ZNF638: variants seen among roughly 807,000 people sequenced by gnomAD.
ZNF638 encodes the protein zinc finger protein 638.
Under a neutral mutation model 195.6 loss-of-function variants are expected in ZNF638, and 46 were observed. That is an observed-to-expected ratio of 0.24 (90% confidence interval 0.19 to 0.30). The LOEUF (loss-of-function observed/expected upper bound fraction) is 0.30. Ranked by LOEUF, ZNF638 falls within the 10% of genes least tolerant of loss-of-function variation. The pLI is 1.00. For synonymous variants in ZNF638, 845 were observed against 772.0 expected (o/e 1.09, Z -1.57); for missense variants, 2,440 against 2,325.3 (o/e 1.05, Z -1.01).
At chr2:71,431,495 C>T in intron 26 of ZNF638, 67 bp downstream of exon 26, 2 of 1,417,310 alleles carry the variant, frequency 1.4e-6, no homozygotes, top group Non-Finnish European at 2.0e-6. Flanking sequence ...CGCGGTGGCT[C>T]AAGCCTGTAA....
chr2:71,365,409 T>C lies in ZNF638; in HGVS notation c.1718-20T>C. ...CTTAATTTTTTTCCAATTGAAATTA[T>C]ATTTATATCTTTTTACTAGATAGAA... is the stretch of plus-strand genomic sequence containing the variant. On this transcript the variant is annotated intron_variant, in intron 5 of 27. Coordinates refer to ENST00000264447, the MANE Select transcript of ZNF638 (RefSeq NM_014497.5). 6.5e-7 allele frequency: 1 copy of C among 1,535,848 alleles called. No homozygotes were observed.
chr2:71,393,390 T>C (rs1262393706), intron 10 of ZNF638: 3 of 718,336 alleles, frequency 4.2e-6, no homozygotes, highest in East Asian at 2.7e-5. Context: ...CACACCCCCC[T>C]CAGGCCCTCT....
chr2:71,354,146 A>G (rs1309628619), intron 2 of ZNF638, among the ~76,000 whole-genome samples: 3 of 152,248 alleles, frequency 2.0e-5, no homozygotes, highest in Non-Finnish European at 4.4e-5. Context: ...GAAACTTCTA[A>G]TGACCTAAAC....
At chr2:71,359,680 C>T (rs927064903) in intron 3 of ZNF638, among the ~76,000 whole-genome samples, 3 of 152,230 alleles carry the variant, frequency 2.0e-5, no homozygotes, top group Admixed American at 6.5e-5. Flanking sequence ...TGCTTCATAA[C>T]TTTCTCTCCA....
chr2:71,345,276 G>A (rs1286814647), intron 1 of ZNF638, among the ~76,000 whole-genome samples: 4 of 152,212 alleles, frequency 2.6e-5, no homozygotes, highest in Non-Finnish European at 5.9e-5. Flanking sequence ...ATCCACCTCA[G>A]AGAAGGGGTG....
At chr2:71,384,005 A>AT (rs2079587721) in intron 10 of ZNF638, among the ~76,000 whole-genome samples, 1 of 151,792 alleles carries the variant, frequency 6.6e-6, no homozygotes. Context: ...TTCTTATATT[A>AT]TTTAACAGTT....
intron 1 of ZNF638, among the ~76,000 whole-genome samples, chr2:71,338,110 C>G (rs546483848): frequency 6.6e-6 from 1 of 152,248 alleles, no homozygotes; most frequent in East Asian, 1.9e-4. Flanking sequence ...TGAGCATATG[C>G]TATGGTTAAA....
intron 11 of ZNF638, among the ~76,000 whole-genome samples, chr2:71,396,408 TATG>T (rs1229084132): frequency 4.6e-5 from 7 of 152,214 alleles, no homozygotes; most frequent in African/African-American, 1.2e-4. Context: ...AGAAATTTCT[TATG>T]ATGAGTATCA....
At position 71,406,143 on chromosome 2, in the gene ZNF638, A is replaced by C; in HGVS notation, c.3016A>C (p.Ile1006Leu). The change falls in exon 19 of 28, where the codon ATT becomes CTT. Residue 1006 changes from isoleucine (I) to leucine (L), a missense_variant. Coordinates refer to ENST00000264447, the MANE Select transcript of ZNF638 (RefSeq NM_014497.5). ...AAAACTACAGGCAAACATAGATACA[A>C]TTTATGATCGATTTGTACATCTTGA... ...ENDPEANIDT[I>L]YDRFVHLDNL... 1.2e-6 allele frequency: 2 copies of C among 1,613,694 alleles called. No individual in the cohort carries two copies. Among genetic ancestry groups the C allele is most frequent in the Non-Finnish European group, 1.7e-6 (2 of 1,179,734 alleles).
At chr2:71,410,968 T>TCCCCC (rs71402978) in intron 20 of ZNF638, among the ~76,000 whole-genome samples, 9 of 62,984 alleles carry the variant, frequency 1.4e-4, no homozygotes, top group African/African-American at 4.3e-4. Context: ...GAAGTTTTTC[T>TCCCCC]CCCCACCCAC....
chr2:71,362,686 A>G lies in ZNF638; in HGVS notation c.1380-467A>G, dbSNP rs549188914. ...CTATTAATAGATCTTTGTAAGGGCT[A>G]CTTGAAAAGCAACCCTTTCTATGAG... is the stretch of plus-strand genomic sequence containing the variant. On this transcript the variant is annotated intron_variant, in intron 3 of 27. Coordinates refer to ENST00000264447, the MANE Select transcript of ZNF638 (RefSeq NM_014497.5). Among the ~76,000 whole-genome samples the G allele has an allele frequency of 1.4e-4, 21 of 152,314 alleles. No individual in the cohort carries two copies. In the East Asian group the frequency reaches 4.1e-3, roughly 29 times the overall value.
chr2:71,424,575 T>C, intron 22 of ZNF638, 75 bp from the exon 23 acceptor site: 1 of 1,301,336 alleles, frequency 7.7e-7, no homozygotes, highest in Non-Finnish European at 1.1e-6. Flanking sequence ...TTTTTTGTTT[T>C]TTGTTTTTTT....
At chr2:71,430,330 C>T (rs2080631766) in intron 25 of ZNF638, among the ~76,000 whole-genome samples, 1 of 151,974 alleles carries the variant, frequency 6.6e-6, no homozygotes, top group South Asian at 2.1e-4. Flanking sequence ...AGATTGGAGG[C>T]AAGGAAACCA....
intron 8 of ZNF638, among the ~76,000 whole-genome samples, chr2:71,373,660 C>A (rs563036409): frequency 2.0e-5 from 3 of 151,652 alleles, no homozygotes; most frequent in South Asian, 4.2e-4. Context: ...CCTCGTGATC[C>A]GTCCGCCTCG....
Position 71,405,324 on chromosome 2 carries a change from C to T in ZNF638, c.2959-277C>T, listed in dbSNP as rs554112108. Among the ~76,000 whole-genome samples the T allele has an allele frequency of 2.6e-5, 4 of 152,224 alleles. No individual in the cohort carries two copies. In the South Asian group the frequency reaches 8.3e-4, roughly 32 times the overall value. On this transcript the variant is annotated intron_variant, in intron 17 of 27. Coordinates refer to ENST00000264447, the MANE Select transcript of ZNF638 (RefSeq NM_014497.5). Reference sequence around the variant, plus strand: ...CTGTTGTCTAAATTAAATCTCTATTCCTTCTGTGAATTTGAATGTCTTTTC... The same window carrying T: ...CTGTTGTCTAAATTAAATCTCTATTTCTTCTGTGAATTTGAATGTCTTTTC...
intron 5 of ZNF638, 125 bp downstream of exon 5, chr2:71,364,377 C>A: frequency 1.0e-6 from 1 of 996,792 alleles, no homozygotes; most frequent in Non-Finnish European, 1.4e-6. Flanking sequence ...GAAATCTGAC[C>A]CACATGCCAC....
intron 1 of ZNF638, among the ~76,000 whole-genome samples, chr2:71,346,180 C>G (rs1433370691): frequency 1.3e-5 from 2 of 152,160 alleles, no homozygotes; most frequent in Non-Finnish European, 2.9e-5. Context: ...AGAGCTTGTG[C>G]TTATGAAGTT....
At chr2:71,335,409 T>A (rs930211860) in intron 1 of ZNF638, among the ~76,000 whole-genome samples, 1 of 152,216 alleles carries the variant, frequency 6.6e-6, no homozygotes, top group African/African-American at 2.4e-5. Flanking sequence ...TGAACCAAAA[T>A]ATATTTATTG....
rs1273050436 is a variant in ZNF638 at position 71,422,903 on chromosome 2, A to G, written c.3389A>G (p.Glu1130Gly). Residue 1130 changes from glutamate to glycine, a missense_variant, in exon 22 of 28, where the codon GAA (glutamate) becomes GGA (glycine). Glu to Gly is a moderately conservative substitution (Grantham distance 98). Transcript: ENST00000264447. ...GTTAAACCTAATGAGCTTGAAGAAG[A>G]AAGTACTCCCAGCATTCAAACAGAA... ...PSVKPNELEE[E>G]STPSIQTETL... 1 of 1,614,112 alleles carries G rather than the reference A, an allele frequency of 6.2e-7. No homozygotes were observed. Among genetic ancestry groups the G allele is most frequent in the African/African-American group, 1.3e-5 (1 of 75,056 alleles).
Sources: allele counts gnomAD v4.1 joint callset (sites outside exome capture counted in the v4.1 genomes callset), GRCh38; gene constraint gnomAD v4.1.1; transcripts MANE v1.5; gene names NCBI Gene and HGNC (gene_info 2026-07-23, HGNC 2026-07-21).